CERS3: variants seen among roughly 807,000 people sequenced by gnomAD.
CERS3 encodes ceramide synthase 3, also known as LAG1 homolog, ceramide synthase 3.
Under a neutral mutation model 50.3 loss-of-function variants are expected in CERS3, and 33 were observed. The ratio of observed to expected loss-of-function variants is 0.66; its 90% CI spans 0.50 to 0.88. CERS3 has a LOEUF of 0.88. CERS3 is among the 40% of genes least tolerant of loss of function. The probability of loss-of-function intolerance (pLI) is 0.00; values close to 1 mark genes in which losing one functional copy is unlikely to be tolerated. For synonymous variants in CERS3, 176 were observed against 155.2 expected, an observed-to-expected ratio of 1.13 and a Z score of -0.99; for missense variants, 470 against 460.3, an observed-to-expected ratio of 1.02 and a Z score of -0.19.
At chr15:100,431,020 G>A (rs1239642341) in intron 11 of CERS3, among the ~76,000 whole-genome samples, 1 of 152,154 alleles carries the variant, frequency 6.6e-6, no homozygotes, top group Non-Finnish European at 1.5e-5. Context: ...CATGCTGGAG[G>A]TCACTGGTGG....
At chr15:100,501,596 T>G (rs1293680443) in intron 3 of CERS3, 81 bp downstream of exon 3, 1 of 1,211,222 alleles carries the variant, frequency 8.3e-7, no homozygotes, top group Non-Finnish European at 1.2e-6. Context: ...TCTTTAAGGA[T>G]CTCACTAAGC....
chr15:100,523,499 C>T (rs948154405), intron 1 of CERS3, among the ~76,000 whole-genome samples: 7 of 151,704 alleles, frequency 4.6e-5, no homozygotes, highest in Non-Finnish European at 1.0e-4. Context: ...CAGGAGATTG[C>T]GACCATCCTG....
intron 4 of CERS3, among the ~76,000 whole-genome samples, chr15:100,485,269 A>G (rs2035451220): frequency 6.6e-6 from 1 of 152,240 alleles, no homozygotes; most frequent in South Asian, 2.1e-4. Flanking sequence ...AAATAATTTC[A>G]ATAACAAAAA....
chr15:100,482,441 G>T lies in CERS3; in HGVS notation c.407+2109C>A, dbSNP rs12439787. 1.8e-3 allele frequency among the ~76,000 whole-genome samples: 272 copies of T among 152,092 alleles called. 1 individual carries two copies. The highest frequency in any genetic ancestry group is 6.1e-3 in the African/African-American group (255 of 41,488). ...AGTGGGCCGTGGACTGCATGGATCA[G>T]ATGAGGGTAAGGCCGCATCCACCCA... On this transcript the variant is annotated intron_variant, in intron 5 of 11. Transcript: ENST00000679737.
At chr15:100,511,602 T>A (rs140872334) in intron 2 of CERS3, among the ~76,000 whole-genome samples, 378 of 24,048 alleles carry the variant, frequency 0.016, 80 homozygotes, top group Admixed American at 0.11. Context: ...TAATGCTCTG[T>A]TACATGCCCT....
chr15:100,444,029 C>T (rs1480181731), intron 11 of CERS3, among the ~76,000 whole-genome samples: 1 of 152,206 alleles, frequency 6.6e-6, no homozygotes, highest in Admixed American at 6.5e-5. Context: ...TCATTACACA[C>T]AGCTGAAGTG....
chr15:100,416,643 A>AAGG (rs1375387450), intron 11 of CERS3, among the ~76,000 whole-genome samples: 2 of 152,162 alleles, frequency 1.3e-5, no homozygotes, highest in Non-Finnish European at 2.9e-5. Flanking sequence ...GTGAGCAATA[A>AAGG]AGGAGGAAGA....
chr15:100,495,437 T>G (rs1012792848), intron 3 of CERS3, among the ~76,000 whole-genome samples: 3 of 152,244 alleles, frequency 2.0e-5, no homozygotes, highest in African/African-American at 7.2e-5. Context: ...GTTTTCTGGT[T>G]GCTTTTATGG....
intron 11 of CERS3, among the ~76,000 whole-genome samples, chr15:100,418,335 T>C (rs1377492259): frequency 6.6e-6 from 1 of 151,546 alleles, no homozygotes. Flanking sequence ...GTATCAGGGA[T>C]GGAAGATGAA....
intron 11 of CERS3, among the ~76,000 whole-genome samples, chr15:100,428,299 T>C (rs2032940779): frequency 6.6e-6 from 1 of 152,232 alleles, no homozygotes; most frequent in Non-Finnish European, 1.5e-5. Flanking sequence ...TCTCAAGGAA[T>C]CATGTGTTTG....
intron 10 of CERS3, among the ~76,000 whole-genome samples, chr15:100,466,762 TTCCTTCC>T (rs2034734118): frequency 4.6e-5 from 1 of 21,832 alleles, no homozygotes; most frequent in Admixed American, 5.2e-4. Flanking sequence ...CCTTCCTTCC[TTCCTTCC>T]TTCCTTCCTT....
chr15:100,417,915 C>G (rs1317302092), intron 11 of CERS3, among the ~76,000 whole-genome samples: 2 of 152,016 alleles, frequency 1.3e-5, no homozygotes. Flanking sequence ...GACATCCACA[C>G]CGAAAACCCA....
At chr15:100,484,001 C>T (rs28628751) in intron 5 of CERS3, among the ~76,000 whole-genome samples, 3,395 of 151,488 alleles carry the variant, frequency 0.022, 135 homozygotes, top group African/African-American at 0.078. Context: ...ATCTCCTGAC[C>T]ACCTCTACTA....
intron 11 of CERS3, among the ~76,000 whole-genome samples, chr15:100,415,180 C>A (rs376671215): frequency 3.9e-5 from 6 of 152,304 alleles, no homozygotes; most frequent in East Asian, 1.9e-4. Context: ...AAAAGTTCAA[C>A]ATCACTGATC....
chr15:100,417,491 G>C (rs1192907631), intron 11 of CERS3, among the ~76,000 whole-genome samples: 2 of 152,024 alleles, frequency 1.3e-5, no homozygotes. Context: ...CAAGGCAGCA[G>C]CGAGGCTGGG....
intron 3 of CERS3, 75 bp from the exon 4 acceptor site, chr15:100,491,006 T>A: frequency 1.2e-6 from 1 of 863,232 alleles, no homozygotes; most frequent in Non-Finnish European, 1.9e-6. Context: ...ATTAAAGCTG[T>A]AACTTCAGGT....
chr15:100,430,288 G>A (rs1050063519), intron 11 of CERS3, among the ~76,000 whole-genome samples: 1 of 151,162 alleles, frequency 6.6e-6, no homozygotes, highest in Admixed American at 6.6e-5. Flanking sequence ...CTCCAGCCTG[G>A]ACGACAGAGC....
At chr15:100,483,134 C>T (rs910417522) in intron 5 of CERS3, among the ~76,000 whole-genome samples, 14 of 152,202 alleles carry the variant, frequency 9.2e-5, no homozygotes, top group African/African-American at 3.4e-4. Context: ...TCTTCAAGGT[C>T]CAACCTATGT....
chr15:100,409,493 G>A (rs527302449), intron 11 of CERS3, among the ~76,000 whole-genome samples: 2 of 152,140 alleles, frequency 1.3e-5, no homozygotes, highest in African/African-American at 2.4e-5. Flanking sequence ...AAACCATATC[G>A]CAACTGCAGA....
Sources: gnomAD v4.1 joint callset for allele counts (sites outside exome capture counted in the v4.1 genomes callset) on GRCh38, gnomAD v4.1.1 for gene constraint, MANE v1.5 for transcripts, NCBI Gene and HGNC (gene_info 2026-07-23, HGNC 2026-07-21) for gene names.